The following NLGN4X variants were observed in gnomAD, a reference collection of about 807,000 sequenced individuals.
NLGN4X encodes neuroligin-4, X-linked.
NLGN4X carries 3 observed loss-of-function variants against 40.3 expected under a neutral mutation model. The observed-to-expected ratio is 0.07, with a 90% CI of 0.03 to 0.19. The LOEUF (loss-of-function observed/expected upper bound fraction) is 0.19. Ranked by LOEUF, NLGN4X falls within the 10% of genes least tolerant of loss-of-function variation. NLGN4X has a pLI of 1.00. For missense variants in NLGN4X, 382 were observed against 708.3 expected (o/e 0.54, Z 5.23); for synonymous variants, 270 against 306.8 (o/e 0.88, Z 1.25).
chrX:6,207,708 G>A (rs1924154166), intron 1 of NLGN4X, among the ~76,000 whole-genome samples: 2 of 111,620 alleles, frequency 1.8e-5, no homozygotes, highest in African/African-American at 3.2e-5. Flanking sequence ...AGTGAAAGTT[G>A]GTGCTTCAAA....
intron 1 of NLGN4X, among the ~76,000 whole-genome samples, chrX:6,179,714 C>T (rs1055693412): frequency 5.4e-5 from 6 of 111,688 alleles, no homozygotes; most frequent in South Asian, 3.8e-4. Flanking sequence ...ACCTGCAGCC[C>T]AATCTCTCAG....
At chrX:6,143,742 T>G (rs2039994162) in intron 2 of NLGN4X, among the ~76,000 whole-genome samples, 1 of 111,931 alleles carries the variant, frequency 8.9e-6, no homozygotes, top group Admixed American at 9.5e-5. Flanking sequence ...ATCCCAGAAC[T>G]CTGGAGTTTG....
At chrX:6,001,728 C>T (rs1032462728) in intron 3 of NLGN4X, among the ~76,000 whole-genome samples, 2 of 109,091 alleles carry the variant, frequency 1.8e-5, no homozygotes, top group African/African-American at 6.7e-5. Context: ...TGTACATTCA[C>T]CATCAAATCC....
chrX:5,980,198 A>G (rs2035342585), intron 3 of NLGN4X, among the ~76,000 whole-genome samples: 1 of 105,049 alleles, frequency 9.5e-6, no homozygotes, highest in African/African-American at 3.7e-5. Flanking sequence ...TATATGTCTA[A>G]TACCATATAT....
At chrX:6,133,963 C>G (rs2039749977) in intron 2 of NLGN4X, among the ~76,000 whole-genome samples, 1 of 111,606 alleles carries the variant, frequency 9.0e-6, no homozygotes, top group African/African-American at 3.3e-5. Context: ...ATAGACAATA[C>G]ATAAATAAAA....
At chrX:6,216,964 A>AT (rs985777962) in intron 1 of NLGN4X, among the ~76,000 whole-genome samples, 24 of 111,140 alleles carry the variant, frequency 2.2e-4, no homozygotes, top group Non-Finnish European at 4.3e-4. Flanking sequence ...TTATTTTTAA[A>AT]TTTTTTTCGT....
chrX:6,034,238 A>G (rs1292582583), intron 2 of NLGN4X, among the ~76,000 whole-genome samples: 1 of 112,017 alleles, frequency 8.9e-6, no homozygotes, highest in Non-Finnish European at 1.9e-5. Context: ...AACTCATATA[A>G]TATGCGGTAT....
intron 3 of NLGN4X, among the ~76,000 whole-genome samples, chrX:5,955,317 C>T (rs2034457349): frequency 8.9e-6 from 1 of 112,019 alleles, no homozygotes; most frequent in South Asian, 3.7e-4. Context: ...TAAACATATC[C>T]ATCACCAATG....
intron 1 of NLGN4X, among the ~76,000 whole-genome samples, chrX:6,152,370 G>GT (rs2040184223): frequency 8.9e-6 from 1 of 112,239 alleles, no homozygotes; most frequent in South Asian, 3.7e-4. Context: ...GCAGATTATA[G>GT]TAACAACACC....
intron 2 of NLGN4X, among the ~76,000 whole-genome samples, chrX:6,087,886 T>C (rs1272913778): frequency 1.8e-5 from 2 of 112,559 alleles, no homozygotes; most frequent in Non-Finnish European, 3.7e-5. Context: ...GTTCTAAGCC[T>C]TTCTTTCTTT....
chrX:6,021,045 T>TCTCTCTCTCTCC (rs2036527782), intron 3 of NLGN4X, among the ~76,000 whole-genome samples: 1 of 22,996 alleles, frequency 4.3e-5, no homozygotes, highest in African/African-American at 3.1e-4. Flanking sequence ...TCTCTCTCTC[T>TCTCTCTCTCTCC]CTCCCTCCCT....
At chrX:6,226,455 C>A (rs1926337165) in intron 1 of NLGN4X, among the ~76,000 whole-genome samples, 1 of 110,989 alleles carries the variant, frequency 9.0e-6, no homozygotes, top group Non-Finnish European at 1.9e-5. Flanking sequence ...CAAGGGTTGG[C>A]CTGACCCCCC....
chrX:6,028,894 T>C (rs1329551640), intron 3 of NLGN4X, among the ~76,000 whole-genome samples: 3 of 111,885 alleles, frequency 2.7e-5, no homozygotes, highest in Non-Finnish European at 3.8e-5. Flanking sequence ...CACAATATAC[T>C]GATTCATACA....
At chrX:6,209,794 G>C (rs1294748264) in intron 1 of NLGN4X, among the ~76,000 whole-genome samples, 2 of 111,937 alleles carry the variant, frequency 1.8e-5, no homozygotes, top group African/African-American at 6.5e-5. Flanking sequence ...ATTAGCATAA[G>C]AATGATAGCC....
chrX:6,122,105 G>C (rs139949883), intron 2 of NLGN4X, among the ~76,000 whole-genome samples: 1,214 of 112,364 alleles, frequency 0.011, 15 homozygotes, highest in African/African-American at 0.037. Context: ...GGAAGTGATA[G>C]GGAGGGAGGA....
intron 3 of NLGN4X, among the ~76,000 whole-genome samples, chrX:6,013,142 T>C (rs778337058): frequency 7.2e-5 from 8 of 111,879 alleles, no homozygotes; most frequent in African/African-American, 2.3e-4. Context: ...CAAAATCTGT[T>C]AAAAATATAA....
At chrX:6,033,036 C>T in intron 2 of NLGN4X, among the ~76,000 whole-genome samples, 2 of 7,705 alleles carry the variant, frequency 2.6e-4, no homozygotes, top group Admixed American at 7.7e-3. Flanking sequence ...AATGATGCTA[C>T]TGCAAAAAAA....
At chrX:6,211,148 T>A (rs1193908243) in intron 1 of NLGN4X, among the ~76,000 whole-genome samples, 1 of 111,839 alleles carries the variant, frequency 8.9e-6, no homozygotes, top group Non-Finnish European at 1.9e-5. Flanking sequence ...AAATTTTCTG[T>A]AGTAAAATAT....
chrX:6,038,563 A>G (rs2037079170), intron 2 of NLGN4X, among the ~76,000 whole-genome samples: 1 of 113,138 alleles, frequency 8.8e-6, no homozygotes, highest in African/African-American at 3.2e-5. Flanking sequence ...AAAATTGGTT[A>G]GCAACAGAAA....
Sources: gnomAD v4.1 joint callset for allele counts (sites outside exome capture counted in the v4.1 genomes callset) on GRCh38, gnomAD v4.1.1 for gene constraint, MANE v1.5 for transcripts, NCBI Gene and HGNC (gene_info 2026-07-23, HGNC 2026-07-21) for gene names.